Variants in IL4I1 observed in about 807,000 individuals in gnomAD.
IL4I1 encodes the protein interleukin 4 induced 1.
Under a neutral mutation model 29.7 loss-of-function variants are expected in IL4I1, and 24 were observed. The ratio of observed to expected loss-of-function variants is 0.81; its 90% CI spans 0.59 to 1.14. The LOEUF (loss-of-function observed/expected upper bound fraction) is 1.14, where lower values mean the gene tolerates loss of function less well. Ranked by LOEUF, IL4I1 falls within the 50% of genes most tolerant of loss-of-function variation. The probability of loss-of-function intolerance (pLI) is 0.00; values close to 1 mark genes in which losing one functional copy is unlikely to be tolerated. For missense variants in IL4I1, 686 were observed against 785.6 expected (o/e 0.87, Z 1.52); for synonymous variants, 371 against 352.5 (o/e 1.05, Z -0.59).
At chr19:49,898,844 G>C (rs2075244302), upstream of IL4I1, among the ~76,000 whole-genome samples, 1 of 152,202 alleles carries the variant, frequency 6.6e-6, no homozygotes, top group African/African-American at 2.4e-5. Flanking sequence ...ACTCCAGCCT[G>C]GGGGACAGAG....
upstream of IL4I1, among the ~76,000 whole-genome samples, chr19:49,900,405 C>G (rs550037794): frequency 2.6e-4 from 39 of 152,216 alleles, no homozygotes; most frequent in South Asian, 8.1e-3. Context: ...CCTGCCTCAG[C>G]CTCCCCAGTA....
chr19:49,902,824 C>CA (rs577603517), intron 3 of IL4I1, among the ~76,000 whole-genome samples: 1,822 of 136,108 alleles, frequency 0.013, 12 homozygotes, highest in Middle Eastern at 0.04. Flanking sequence ...GACTGCATCT[C>CA]AAAAAAAAAA....
At chr19:49,914,192 G>T (rs56131457) in intron 2 of IL4I1, among the ~76,000 whole-genome samples, 2,935 of 152,316 alleles carry the variant, frequency 0.019, 46 homozygotes, top group African/African-American at 0.044. Flanking sequence ...TAGAACTTGG[G>T]AAGTTTCTCA....
At chr19:49,895,714 C>G (rs769611440) in intron 3 of IL4I1, 101 bp downstream of exon 3, 25 of 930,850 alleles carry the variant, frequency 2.7e-5, no homozygotes, top group Non-Finnish European at 4.1e-5. Flanking sequence ...CACATCCCCA[C>G]CTCCACCCCC....
chr19:49,913,684 G>A (rs150062128), intron 2 of IL4I1, among the ~76,000 whole-genome samples: 1 of 152,326 alleles, frequency 6.6e-6, no homozygotes, highest in East Asian at 1.9e-4. Flanking sequence ...TTTTCAGTCT[G>A]TATCATTTCT....
At chr19:49,907,974 G>A (rs998631479) in intron 2 of IL4I1, 11 of 614,026 alleles carry the variant, frequency 1.8e-5, no homozygotes, top group Middle Eastern at 4.5e-4. Flanking sequence ...GATGAGGTGG[G>A]TGGTCGCAGT....
At chr19:49,895,547 C>T (rs886348235) in intron 3 of IL4I1, among the ~76,000 whole-genome samples, 7 of 152,182 alleles carry the variant, frequency 4.6e-5, no homozygotes, top group Non-Finnish European at 7.3e-5. Context: ...CACCAACAGG[C>T]GCCCCACCCC....
intron 2 of IL4I1, among the ~76,000 whole-genome samples, chr19:49,919,734 C>A (rs548258524): frequency 2.0e-5 from 3 of 152,176 alleles, no homozygotes; most frequent in African/African-American, 2.4e-5. Flanking sequence ...GCTAAGACAA[C>A]CATGGAAAAG....
At position 49,909,167 on chromosome 19, in the gene IL4I1, A is replaced by G. The variant is rs562746496; in HGVS notation, c.-227-4846T>C. Reference sequence around the variant, plus strand: ...AAAGAGGCTGGGCCCAGTGCTGGTGATGGTGGCTGTGGGTGTGGGAGCAGC... The same window carrying G: ...AAAGAGGCTGGGCCCAGTGCTGGTGGTGGTGGCTGTGGGTGTGGGAGCAGC... On this transcript the variant is annotated intron_variant, in intron 2 of 9. Coordinates refer to the IL4I1 transcript ENST00000341114. 19 of 1,613,514 alleles carry G rather than the reference A, an allele frequency of 1.2e-5. No individual in the cohort carries two copies. In the African/African-American group the frequency reaches 2.1e-4, roughly 18 times the overall value.
intron 2 of IL4I1, among the ~76,000 whole-genome samples, chr19:49,910,895 T>G (rs2075446350): frequency 6.6e-6 from 1 of 152,146 alleles, no homozygotes; most frequent in Non-Finnish European, 1.5e-5. Context: ...GAGGGAGTGC[T>G]GAATAGGGGT....
At chr19:49,910,079 G>A (rs1003967757) in intron 2 of IL4I1, among the ~76,000 whole-genome samples, 3 of 152,048 alleles carry the variant, frequency 2.0e-5, no homozygotes, top group African/African-American at 4.8e-5. Context: ...ACGAGGAGCC[G>A]GGGTGCTAGG....
At chr19:49,914,173 C>T (rs1489128741) in intron 2 of IL4I1, among the ~76,000 whole-genome samples, 1 of 152,148 alleles carries the variant, frequency 6.6e-6, no homozygotes, top group Non-Finnish European at 1.5e-5. Flanking sequence ...AACAAAAAGC[C>T]ACAAATACTA....
intron 2 of IL4I1, among the ~76,000 whole-genome samples, chr19:49,914,130 C>T (rs913037179): frequency 6.6e-6 from 1 of 152,166 alleles, no homozygotes; most frequent in Non-Finnish European, 1.5e-5. Context: ...AGGAGGATTG[C>T]TTAAGCCCAG....
chr19:49,912,621 T>C (rs975837355), intron 2 of IL4I1, among the ~76,000 whole-genome samples: 24 of 152,134 alleles, frequency 1.6e-4, no homozygotes, highest in African/African-American at 5.1e-4. Context: ...CCCAGCACTT[T>C]GGGAGGCTGA....
chr19:49,908,646 T>A, intron 2 of IL4I1: 1 of 1,612,962 alleles, frequency 6.2e-7, no homozygotes. Context: ...TGGTCCAGCC[T>A]CTTCTGGTCC....
At chr19:49,892,299 C>G (rs907435777) in intron 5 of IL4I1, among the ~76,000 whole-genome samples, 2 of 152,072 alleles carry the variant, frequency 1.3e-5, no homozygotes, top group Non-Finnish European at 2.9e-5. Context: ...TCAGGCTGGT[C>G]TCGAACTCCT....
Position 49,926,086 on chromosome 19 carries a change from G to C in IL4I1, c.-228+1608C>G, listed in dbSNP as rs556502388. ...TAGCCAGGCATGATGGTGCATGTCTGTAATCCCAGCTACTCTGGAGCCTGA... is the reference window on the plus strand; with the variant it reads ...TAGCCAGGCATGATGGTGCATGTCTCTAATCCCAGCTACTCTGGAGCCTGA... On this transcript the variant is annotated intron_variant, in intron 2 of 9. Coordinates refer to the IL4I1 transcript ENST00000341114. Among the ~76,000 whole-genome samples, 3 of 151,838 alleles carry C rather than the reference G, an allele frequency of 2.0e-5. No individual in the cohort carries two copies. In the South Asian group the frequency reaches 6.2e-4, roughly 32 times the overall value.
At chr19:49,900,430 T>G (rs1364862964), upstream of IL4I1, among the ~76,000 whole-genome samples, 2 of 151,956 alleles carry the variant, frequency 1.3e-5, no homozygotes, top group Non-Finnish European at 2.9e-5. Flanking sequence ...GGATTACAGG[T>G]GCGCGCACCA....
chr19:49,901,213 C>G (rs1314520888), upstream of IL4I1, among the ~76,000 whole-genome samples: 1 of 152,068 alleles, frequency 6.6e-6, no homozygotes, highest in Non-Finnish European at 1.5e-5. Flanking sequence ...GAAACCCTGT[C>G]TCTACTAAAA....
Sources: gnomAD v4.1 joint callset for allele counts (sites outside exome capture counted in the v4.1 genomes callset) on GRCh38, gnomAD v4.1.1 for gene constraint, MANE v1.5 for transcripts, NCBI Gene and HGNC (gene_info 2026-07-23, HGNC 2026-07-21) for gene names.